BORCS5: variants seen among roughly 807,000 people sequenced by gnomAD.
BORCS5 encodes BLOC-1 related complex subunit 5.
In BORCS5, 17 loss-of-function variants were observed where a neutral mutation model predicts 22.1. The observed-to-expected ratio is 0.77, with a 90% CI of 0.53 to 1.15. The LOEUF (loss-of-function observed/expected upper bound fraction) is 1.15, where lower values mean the gene tolerates loss of function less well. Ranked by LOEUF, BORCS5 falls within the 50% of genes most tolerant of loss-of-function variation. The pLI, the probability that BORCS5 is intolerant of heterozygous loss-of-function variation, is 0.00. For missense variants in BORCS5, 247 were observed against 253.2 expected (o/e 0.98, Z 0.17); for synonymous variants, 117 against 99.8 (o/e 1.17, Z -1.03).
chr12:12,375,274 A>G (rs1039892792), intron 2 of BORCS5, among the ~76,000 whole-genome samples: 3 of 152,180 alleles, frequency 2.0e-5, no homozygotes, highest in African/African-American at 4.8e-5. Flanking sequence ...CGGCCTCCCA[A>G]AGTGCTGGGA....
chr12:12,425,801 T>C (rs547021282), intron 2 of BORCS5, among the ~76,000 whole-genome samples: 1 of 152,318 alleles, frequency 6.6e-6, no homozygotes, highest in African/African-American at 2.4e-5. Flanking sequence ...TTTCCTACAG[T>C]GCTAGTACAT....
chr12:12,371,427 G>A (rs1407263461), intron 2 of BORCS5, among the ~76,000 whole-genome samples: 2 of 152,224 alleles, frequency 1.3e-5, no homozygotes, highest in Non-Finnish European at 1.5e-5. Context: ...TGAGCAGCTG[G>A]GACTACTCTG....
intron 2 of BORCS5, among the ~76,000 whole-genome samples, chr12:12,362,346 A>G (rs1863305196): frequency 6.6e-6 from 1 of 152,220 alleles, no homozygotes; most frequent in South Asian, 2.1e-4. Context: ...TGCTTTATAG[A>G]TGATCCATAT....
intron 2 of BORCS5, among the ~76,000 whole-genome samples, chr12:12,433,348 A>AAAAAT (rs35052204): frequency 7.1e-5 from 9 of 126,124 alleles, no homozygotes; most frequent in East Asian, 2.1e-4. Flanking sequence ...AAAAAAAAAA[A>AAAAAT]GGAAATCTGC....
At chr12:12,365,557 C>A (rs1415127725) in intron 2 of BORCS5, among the ~76,000 whole-genome samples, 1 of 141,876 alleles carries the variant, frequency 7.0e-6, no homozygotes, top group Non-Finnish European at 1.5e-5. Flanking sequence ...ATGAGAGTGG[C>A]GTGAATCTAG....
intron 3 of BORCS5, among the ~76,000 whole-genome samples, chr12:12,440,662 A>G (rs1418178243): frequency 6.6e-6 from 1 of 151,316 alleles, no homozygotes; most frequent in African/African-American, 2.4e-5. Context: ...GCATTGCTGC[A>G]GGGGAACAGC....
chr12:12,398,768 T>C (rs994416510), intron 2 of BORCS5, among the ~76,000 whole-genome samples: 2 of 152,214 alleles, frequency 1.3e-5, no homozygotes, highest in South Asian at 2.1e-4. Flanking sequence ...ATCTGTGCGA[T>C]ATTGGGAATT....
At chr12:12,434,340 T>C (rs1942507403) in intron 2 of BORCS5, among the ~76,000 whole-genome samples, 1 of 151,122 alleles carries the variant, frequency 6.6e-6, no homozygotes, top group Non-Finnish European at 1.5e-5. Flanking sequence ...TACTGTCATA[T>C]GTATTCTGTG....
chr12:12,415,520 G>A (rs1489483064), intron 2 of BORCS5, among the ~76,000 whole-genome samples: 2 of 128,084 alleles, frequency 1.6e-5, no homozygotes, highest in African/African-American at 3.1e-5. Context: ...GCTTTGGCTC[G>A]GCATCAGAGG....
chr12:12,381,150 T>A (rs1863767507), intron 2 of BORCS5, among the ~76,000 whole-genome samples: 1 of 150,972 alleles, frequency 6.6e-6, no homozygotes, highest in Non-Finnish European at 1.5e-5. Flanking sequence ...TAGCTGGGAT[T>A]ACGGGTGCCT....
At chr12:12,385,825 A>G (rs1353148046) in intron 2 of BORCS5, among the ~76,000 whole-genome samples, 1 of 151,272 alleles carries the variant, frequency 6.6e-6, no homozygotes, top group Non-Finnish European at 1.5e-5. Flanking sequence ...TTCATTTTTA[A>G]GGCATAAATG....
At chr12:12,365,507 A>G (rs1863388043) in intron 2 of BORCS5, among the ~76,000 whole-genome samples, 1 of 152,058 alleles carries the variant, frequency 6.6e-6, no homozygotes, top group South Asian at 2.1e-4. Flanking sequence ...TATAGAAAAT[A>G]GTTTGTATAA....
In BORCS5 at chr12:12,469,316, A is replaced by G. The variant is rs941866698; in HGVS notation, c.*3540A>G. 1 of 152,298 alleles carries G rather than the reference A, an allele frequency of 6.6e-6. No individual in the cohort carries two copies. Among genetic ancestry groups the G allele is most frequent in the African/African-American group, 2.4e-5 (1 of 41,476 alleles). 9.4% of individuals were successfully genotyped at this position (152,298 alleles called of 1,614,324 possible). A position where few individuals can be genotyped will look rare whatever the true frequency, so the allele number is the denominator to read the frequency against. On this transcript the variant is annotated 3_prime_UTR_variant, in exon 4 of 4. Transcript: ENST00000314565. ...GGTTGCAGTGAGCCAAGTTCGTGCC[A>G]TTGCACTCTGGCCTGGGTAACAAGA...
chr12:12,382,539 T>G (rs1411793669), intron 2 of BORCS5, among the ~76,000 whole-genome samples: 1 of 149,626 alleles, frequency 6.7e-6, no homozygotes, highest in Non-Finnish European at 1.5e-5. Context: ...TATATCTTTT[T>G]TTTTTTTTTT....
intron 2 of BORCS5, among the ~76,000 whole-genome samples, chr12:12,392,483 A>G (rs898056560): frequency 1.3e-5 from 2 of 152,112 alleles, no homozygotes; most frequent in African/African-American, 4.8e-5. Flanking sequence ...AAGGCAGCAA[A>G]AAGGTTACAG....
intron 2 of BORCS5, 25 bp from the exon 3 acceptor site, chr12:12,435,598 AATTTC>A (rs1942537412): frequency 1.3e-6 from 2 of 1,584,940 alleles, no homozygotes; most frequent in Non-Finnish European, 1.7e-6. Flanking sequence ...CAGTAATTTT[AATTTC>A]ATTTCATTTT....
chr12:12,384,431 A>G (rs1171129591), intron 2 of BORCS5, among the ~76,000 whole-genome samples: 1 of 149,400 alleles, frequency 6.7e-6, no homozygotes, highest in Non-Finnish European at 1.5e-5. Context: ...TGTATCTAGT[A>G]TCTTCAATAC....
intron 1 of BORCS5, among the ~76,000 whole-genome samples, chr12:12,360,783 C>T (rs563252436): frequency 5.9e-5 from 9 of 151,722 alleles, no homozygotes; most frequent in Non-Finnish European, 1.0e-4. Flanking sequence ...TGCAGTGGCA[C>T]GATCTTGGCA....
At chr12:12,436,241 G>T (rs776750967) in intron 3 of BORCS5, among the ~76,000 whole-genome samples, 1 of 152,104 alleles carries the variant, frequency 6.6e-6, no homozygotes, top group South Asian at 2.1e-4. Context: ...GCTTTGATAC[G>T]AAAAGCTCCA....
Sources: allele counts gnomAD v4.1 joint callset (sites outside exome capture counted in the v4.1 genomes callset), GRCh38; gene constraint gnomAD v4.1.1; transcripts MANE v1.5; gene names NCBI Gene and HGNC (gene_info 2026-07-23, HGNC 2026-07-21).